Variants in MGST1 observed in about 807,000 individuals in gnomAD.
MGST1 encodes microsomal glutathione S-transferase 1, also known as glutathione S-transferase 12.
MGST1 carries 5 observed loss-of-function variants against 8.9 expected under a neutral mutation model. That is an observed-to-expected ratio of 0.56 (90% CI 0.29 to 1.19). The LOEUF (loss-of-function observed/expected upper bound fraction) is 1.19. Among genes scored for constraint, MGST1 ranks in the 50% most tolerant of loss-of-function variants. The pLI is 0.08. For synonymous variants in MGST1, 54 were observed against 67.8 expected, an observed-to-expected ratio of 0.80 and a Z score of 1.00; for missense variants, 182 against 187.4, an observed-to-expected ratio of 0.97 and a Z score of 0.17.
At chr12:16,498,691 G>A (rs1297086874) in intron 4 of MGST1, among the ~76,000 whole-genome samples, 2 of 152,142 alleles carry the variant, frequency 1.3e-5, no homozygotes, top group East Asian at 1.9e-4. Flanking sequence ...GCTCTAACAG[G>A]AGACCCGCTT....
intron 4 of MGST1, among the ~76,000 whole-genome samples, chr12:16,581,600 T>C (rs781736860): frequency 1.3e-5 from 2 of 152,234 alleles, no homozygotes; most frequent in African/African-American, 2.4e-5. Flanking sequence ...TTCTGTTGAC[T>C]TTCTTTCACA....
chr12:16,504,078 C>T (rs768013288), intron 4 of MGST1, among the ~76,000 whole-genome samples: 32 of 152,162 alleles, frequency 2.1e-4, no homozygotes, highest in Non-Finnish European at 4.1e-4. Context: ...GCTTGCCTCC[C>T]CTGTGTCACT....
At chr12:16,376,319 G>C (rs1365773335) in exon 4 of MGST1, 4 of 475,526 alleles carry the variant, frequency 8.4e-6, no homozygotes, top group African/African-American at 2.0e-5. Context: ...AACACAAAAA[G>C]ACAATCGGAA....
chr12:16,385,122 A>G (rs371878992), intron 1 of MGST1, among the ~76,000 whole-genome samples: 184 of 152,322 alleles, frequency 1.2e-3, no homozygotes, highest in Middle Eastern at 3.4e-3. Flanking sequence ...AGAAGAAACT[A>G]TTTGCAACTC....
At chr12:16,554,230 G>A (rs748682308) in intron 4 of MGST1, among the ~76,000 whole-genome samples, 4 of 152,154 alleles carry the variant, frequency 2.6e-5, no homozygotes, top group Admixed American at 1.3e-4. Flanking sequence ...TTTTAAGCAG[G>A]TTATCAAAAG....
chr12:16,558,350 A>T (rs1442820494), intron 4 of MGST1, among the ~76,000 whole-genome samples: 9 of 152,100 alleles, frequency 5.9e-5, no homozygotes, highest in Non-Finnish European at 1.3e-4. Flanking sequence ...AATCTTTTAT[A>T]AGTAGAAAAG....
chr12:16,512,203 T>C (rs4764275), intron 4 of MGST1, among the ~76,000 whole-genome samples: 89,805 of 151,724 alleles, frequency 0.59, 27,761 homozygotes, highest in Middle Eastern at 0.78. Context: ...ACATATACAC[T>C]GAGAGCACAC....
chr12:16,551,957 G>C (rs751266007), intron 4 of MGST1, among the ~76,000 whole-genome samples: 8 of 151,902 alleles, frequency 5.3e-5, no homozygotes, highest in Non-Finnish European at 1.0e-4. Flanking sequence ...TGAAATAGTA[G>C]ATGTCATTTC....
At chr12:16,569,862 G>C (rs921336810) in intron 4 of MGST1, among the ~76,000 whole-genome samples, 5 of 152,050 alleles carry the variant, frequency 3.3e-5, no homozygotes, top group Non-Finnish European at 7.4e-5. Context: ...TACTAAAACA[G>C]AAATATTTTA....
chr12:16,354,161 ATCAAATGATC>A, intron 1 of MGST1, 60 bp from the exon 2 acceptor site: 11 of 1,137,236 alleles, frequency 9.7e-6, no homozygotes, highest in Non-Finnish European at 1.4e-5. Flanking sequence ...ATATAAGAAC[ATCAAATGATC>A]TTCCAGTTAT....
chr12:16,355,329 G>C (rs1246806227), intron 2 of MGST1, among the ~76,000 whole-genome samples: 1 of 151,130 alleles, frequency 6.6e-6, no homozygotes, highest in African/African-American at 2.4e-5. Context: ...ATGCCTCAGC[G>C]TCCCAAGTAG....
chr12:16,559,040 C>T lies in MGST1; in HGVS notation n.483-30488C>T, dbSNP rs1942295462. Among the ~76,000 whole-genome samples, 1 of 152,146 alleles carries T rather than the reference C, an allele frequency of 6.6e-6. No homozygotes were observed. Among genetic ancestry groups the T allele is most frequent in the Non-Finnish European group, 1.5e-5 (1 of 68,002 alleles). On this transcript the variant is annotated intron_variant and non_coding_transcript_variant, in intron 4 of 4. Coordinates refer to the MGST1 transcript ENST00000538857. The surrounding 1 kb of genome is among the most constrained non-coding windows in gnomAD (Gnocchi z 4.1). ...CCGTTCTCACTAGAAATGTCACATT[C>T]TTTCTACTATTCTACAGGGTCTCAT... is the stretch of plus-strand genomic sequence containing the variant.
intron 4 of MGST1, among the ~76,000 whole-genome samples, chr12:16,479,174 A>G (rs1941346602): frequency 6.9e-6 from 1 of 143,986 alleles, no homozygotes; most frequent in South Asian, 2.2e-4. Context: ...ATCCCTTTTT[A>G]TGCTTGATAA....
chr12:16,393,711 A>C (rs943631798), intron 1 of MGST1, among the ~76,000 whole-genome samples: 1 of 152,210 alleles, frequency 6.6e-6, no homozygotes, highest in African/African-American at 2.4e-5. Flanking sequence ...TGTTGCGCTC[A>C]TTATGTTACC....
intron 4 of MGST1, among the ~76,000 whole-genome samples, chr12:16,466,979 T>G (rs1327105972): frequency 6.6e-6 from 1 of 151,876 alleles, no homozygotes; most frequent in East Asian, 1.9e-4. Flanking sequence ...TCATAGCAGG[T>G]AGCAGATGGC....
intron 1 of MGST1, among the ~76,000 whole-genome samples, chr12:16,406,243 A>G (rs1341291047): frequency 1.3e-5 from 2 of 152,106 alleles, no homozygotes; most frequent in Admixed American, 6.5e-5. Context: ...AATATACAAA[A>G]ATCACTAGCA....
At chr12:16,394,504 CTT>C (rs373576320) in intron 1 of MGST1, among the ~76,000 whole-genome samples, 48,166 of 139,894 alleles carry the variant, frequency 0.34, 10,110 homozygotes, top group East Asian at 0.51. Context: ...CTTTCTCTCT[CTT>C]TCTCTCCCTT....
intron 4 of MGST1, among the ~76,000 whole-genome samples, chr12:16,543,189 A>T (rs1274892641): frequency 1.3e-5 from 2 of 152,164 alleles, no homozygotes; most frequent in Non-Finnish European, 2.9e-5. Flanking sequence ...TGAATGACTC[A>T]CTACATGAAT....
chr12:16,534,449 A>C (rs1941742226), intron 4 of MGST1, among the ~76,000 whole-genome samples: 1 of 152,086 alleles, frequency 6.6e-6, no homozygotes, highest in Non-Finnish European at 1.5e-5. Context: ...GTGCATTTCT[A>C]ATGTGCTTTT....
Sources: allele counts gnomAD v4.1 joint callset (sites outside exome capture counted in the v4.1 genomes callset), GRCh38; gene constraint gnomAD v4.1.1; non-coding constraint Gnocchi (gnomAD v3.1); transcripts MANE v1.5; gene names NCBI Gene and HGNC (gene_info 2026-07-23, HGNC 2026-07-21).